Variants in TOX observed in about 807,000 individuals in gnomAD.
The protein encoded by TOX is thymocyte selection associated high mobility group box, also known as thymocyte selection-associated high mobility group box protein TOX.
TOX carries 11 observed loss-of-function variants against 53.7 expected under a neutral mutation model. That is an observed-to-expected ratio of 0.20 (90% CI 0.13 to 0.34). The LOEUF is 0.34. Among genes scored for constraint, TOX ranks in the 10% least tolerant of loss-of-function variants. TOX has a pLI of 1.00. For missense variants in TOX, 570 were observed against 664.6 expected, an observed-to-expected ratio of 0.86 and a Z score of 1.56; for synonymous variants, 225 against 245.3, an observed-to-expected ratio of 0.92 and a Z score of 0.77.
intron 6 of TOX, among the ~76,000 whole-genome samples, chr8:58,817,204 C>T (rs1198616447): frequency 2.6e-5 from 4 of 152,110 alleles, no homozygotes; most frequent in African/African-American, 7.2e-5. Flanking sequence ...AGAGTCCTCT[C>T]ATTCTGACAT....
chr8:58,901,988 T>C (rs1044172473), intron 3 of TOX, among the ~76,000 whole-genome samples: 1 of 152,194 alleles, frequency 6.6e-6, no homozygotes, highest in African/African-American at 2.4e-5. Context: ...TGTTGTATAT[T>C]AACATAGTAT....
Position 58,826,828 on chromosome 8 carries a change from T to C in TOX, c.999A>G (p.Val333=). ...TCACACAACTGCACGTTACCTTGGA[T>C]ACAAGGCTGGCTCTGTATGCTGCGA... is the stretch of plus-strand genomic sequence containing the variant. The part of the protein sequence containing the change: ...KQLAAYRASL[V]SKSYSEPVDV... Residue 333 remains valine (V), a synonymous_variant, in exon 6 of 9, where the codon GTA becomes GTG. Coordinates refer to ENST00000361421, the MANE Select transcript of TOX (RefSeq NM_014729.3). The C allele has an allele frequency of 6.2e-7, 1 of 1,608,500 alleles. No homozygotes were observed. The highest frequency in any genetic ancestry group is 8.5e-7 in the Non-Finnish European group (1 of 1,177,986).
At chr8:59,028,400 A>G (rs1814283692) in intron 1 of TOX, among the ~76,000 whole-genome samples, 1 of 152,182 alleles carries the variant, frequency 6.6e-6, no homozygotes, top group Non-Finnish European at 1.5e-5. Context: ...CTTAGAAGCC[A>G]TATATTTTAT....
At chr8:59,019,994 A>G (rs777360197) in intron 1 of TOX, among the ~76,000 whole-genome samples, 1 of 152,220 alleles carries the variant, frequency 6.6e-6, no homozygotes, top group Non-Finnish European at 1.5e-5. Context: ...TGCATGGCAC[A>G]TAGTAGGTAC....
rs148962772 is a variant in TOX, at chr8:58,976,503, G to A, written c.103-16495C>T. 5.5e-3 allele frequency among the ~76,000 whole-genome samples: 844 copies of A among 152,290 alleles called. 12 individuals carry two copies. The highest frequency in any genetic ancestry group is 0.019 in the African/African-American group (792 of 41,552). ...GTCATCCATGAGAGTTGGAATCAAC[G>A]TCCTTCAAACTCTTGTTAATGTGGA... On this transcript the variant is annotated intron_variant, in intron 1 of 8. Transcript: ENST00000361421.
intron 3 of TOX, among the ~76,000 whole-genome samples, chr8:58,908,333 G>A (rs1275218478): frequency 6.6e-6 from 1 of 152,152 alleles, no homozygotes; most frequent in Non-Finnish European, 1.5e-5. Context: ...GGCACTTTAG[G>A]ATGGTACATG....
intron 3 of TOX, among the ~76,000 whole-genome samples, chr8:58,937,098 G>T (rs1183107639): frequency 1.3e-5 from 2 of 152,138 alleles, no homozygotes; most frequent in Non-Finnish European, 2.9e-5. Flanking sequence ...AGCATTAAAG[G>T]CTAGGACCAG....
chr8:58,905,259 T>C (rs1811794158), intron 3 of TOX, among the ~76,000 whole-genome samples: 1 of 152,152 alleles, frequency 6.6e-6, no homozygotes, highest in African/African-American at 2.4e-5. Context: ...CAAAAGTAGA[T>C]CATTGGCCCT....
intron 3 of TOX, among the ~76,000 whole-genome samples, chr8:58,866,971 C>A (rs943728649): frequency 1.3e-5 from 2 of 152,108 alleles, no homozygotes; most frequent in African/African-American, 2.4e-5. Flanking sequence ...GGAAAAATCT[C>A]ATTTACATTG....
intron 1 of TOX, among the ~76,000 whole-genome samples, chr8:59,038,070 C>T (rs1424305556): frequency 6.6e-6 from 1 of 152,132 alleles, no homozygotes; most frequent in African/African-American, 2.4e-5. Context: ...GACAGTGACA[C>T]TAATTAAATC....
intron 3 of TOX, among the ~76,000 whole-genome samples, chr8:58,880,090 G>A (rs190814898): frequency 1.4e-3 from 217 of 152,224 alleles, no homozygotes; most frequent in Admixed American, 2.2e-3. Context: ...AGCAGCTTCC[G>A]TAGCTACTAA....
intron 1 of TOX, among the ~76,000 whole-genome samples, chr8:59,105,936 C>T (rs931355659): frequency 4.6e-5 from 7 of 151,956 alleles, no homozygotes; most frequent in African/African-American, 1.7e-4. Flanking sequence ...AGTTTCACTC[C>T]ACTTTAAAAT....
chr8:59,082,301 T>C (rs574500121), intron 1 of TOX, among the ~76,000 whole-genome samples: 12 of 152,356 alleles, frequency 7.9e-5, no homozygotes, highest in African/African-American at 2.6e-4. Context: ...GAAAGCATCA[T>C]TCTTCAATGG....
At chr8:58,991,404 T>C (rs574989460) in intron 1 of TOX, among the ~76,000 whole-genome samples, 1 of 152,292 alleles carries the variant, frequency 6.6e-6, no homozygotes, top group Admixed American at 6.5e-5. Context: ...AACTCAACAG[T>C]GCCTAAACAG....
intron 4 of TOX, among the ~76,000 whole-genome samples, chr8:58,848,086 C>A (rs927387883): frequency 2.0e-5 from 3 of 151,892 alleles, no homozygotes; most frequent in African/African-American, 7.2e-5. Flanking sequence ...TTCAATTAAA[C>A]TATAATTAGA....
intron 2 of TOX, among the ~76,000 whole-genome samples, chr8:58,955,068 C>G (rs1812687879): frequency 6.6e-6 from 1 of 152,140 alleles, no homozygotes; most frequent in African/African-American, 2.4e-5. Flanking sequence ...ATTTTATATT[C>G]AAAATGTACT....
chr8:58,912,274 C>T (rs1218495440), intron 3 of TOX, among the ~76,000 whole-genome samples: 4 of 152,108 alleles, frequency 2.6e-5, no homozygotes, highest in Admixed American at 6.5e-5. Flanking sequence ...ATATTTTGCC[C>T]TCTGACAGGC....
Position 59,098,637 on chromosome 8 carries a change from A to C in TOX, c.102+20249T>G, listed in dbSNP as rs552879581. Among the ~76,000 whole-genome samples the C allele has an allele frequency of 1.1e-3, 160 of 152,302 alleles. 1 individual carries two copies. Among genetic ancestry groups the C allele is most frequent in the Non-Finnish European group, 2.4e-4 (16 of 68,016 alleles). ...TTACAGCTGTGAAAGAATCCTAATA[A>C]TGATGATAAATCTGTGAACAGGACA... On this transcript the variant is annotated intron_variant, in intron 1 of 8. Transcript: ENST00000361421.
chr8:58,827,295 T>G (rs1810381788), intron 5 of TOX, among the ~76,000 whole-genome samples: 1 of 152,200 alleles, frequency 6.6e-6, no homozygotes, highest in African/African-American at 2.4e-5. Context: ...CACATCCTGA[T>G]ATATATGTTC....
Sources: gnomAD v4.1 joint callset for allele counts (sites outside exome capture counted in the v4.1 genomes callset) on GRCh38, gnomAD v4.1.1 for gene constraint, MANE v1.5 for transcripts, NCBI Gene and HGNC (gene_info 2026-07-23, HGNC 2026-07-21) for gene names.